Variants in PXN observed in about 807,000 individuals in gnomAD.
PXN encodes the protein testicular tissue protein Li 134.
A neutral mutation model predicts 103.6 loss-of-function variants in PXN; 61 were observed. The observed-to-expected ratio is 0.59, with a 90% CI of 0.48 to 0.73. The LOEUF is 0.73. Among genes scored for constraint, PXN ranks in the 30% least tolerant of loss-of-function variants. The pLI, the probability that PXN is intolerant of heterozygous loss-of-function variation, is 0.00. For missense variants in PXN, 1,274 were observed against 1,460.3 expected (o/e 0.87, Z 2.08); for synonymous variants, 562 against 607.8 (o/e 0.92, Z 1.11).
In PXN at chr12:120,215,895, AG is replaced by A; in HGVS notation, c.2302-235del. On this transcript the variant is annotated intron_variant, in intron 9 of 14. Transcript: ENST00000637617. This position sits in a 1 kb window ranked among gnomAD's most constrained non-coding sequence, Gnocchi z 4.9. The stretch of plus-strand genomic sequence containing the variant: ...TCGACCAAAGGCAGAGGAAATGGCA[AG>A]GGGAGGTGGCCGGGCTCAGTGATGA... 2 of 1,375,870 alleles carry A rather than the reference AG, an allele frequency of 1.5e-6. No individual in the cohort carries two copies. Among genetic ancestry groups the A allele is most frequent in the Non-Finnish European group, 9.5e-7 (1 of 1,057,738 alleles). The allele number at this position is 1,375,870 out of a possible 1,614,324, so 85.2% of individuals were successfully genotyped here. A position where few individuals can be genotyped will look rare whatever the true frequency, so the allele number is the denominator to read the frequency against.
Position 120,257,702 on chromosome 12 carries a change from G to C in PXN, c.13+7915C>G, listed in dbSNP as rs907735249. Among the ~76,000 whole-genome samples, 5 of 152,330 alleles carry C rather than the reference G, an allele frequency of 3.3e-5. 1 individual carries two copies. In the South Asian group the frequency reaches 6.2e-4, roughly 19 times the overall value. On this transcript the variant is annotated intron_variant, in intron 1 of 14. Transcript: ENST00000637617. ...ACCAAGGGAGTGGGGATTCCAGGAGGGGGAGCCTGAAGGCTGGAAAACTGG... is the reference window on the plus strand; with the variant it reads ...ACCAAGGGAGTGGGGATTCCAGGAGCGGGAGCCTGAAGGCTGGAAAACTGG...
rs1291536041 is a variant in PXN, at chr12:120,220,151, G to C, written c.832-60C>G. ...GAGAGAGATGAGGGGAGTGAGGACGGCTGCACCTTGCAGGCGGTGGGCTCG... is the reference window on the plus strand; with the variant it reads ...GAGAGAGATGAGGGGAGTGAGGACGCCTGCACCTTGCAGGCGGTGGGCTCG... On this transcript the variant is annotated intron_variant, in intron 6 of 14. Transcript: ENST00000637617. The surrounding 1 kb of genome is among the most constrained non-coding windows in gnomAD (Gnocchi z 6.1). 4 of 692,334 alleles carry C rather than the reference G, an allele frequency of 5.8e-6. No homozygotes were observed. The highest frequency in any genetic ancestry group is 9.3e-6 in the Non-Finnish European group (4 of 429,282). The allele number at this position is 692,334 out of a possible 1,614,324, so 42.9% of individuals were successfully genotyped here.
rs1461647417 is a variant in PXN at position 120,217,581 on chromosome 12, G to A, written c.1717-465C>T. Among the ~76,000 whole-genome samples the A allele has an allele frequency of 6.6e-6, 1 of 151,330 alleles. No homozygotes were observed. The highest frequency in any genetic ancestry group is 2.4e-5 in the African/African-American group (1 of 40,926). Reference sequence around the variant, plus strand: ...TAATAGAAAAAGTGTTTCCTTCCAGGAACTTTTTTTTGGGGGGGGACAGAG... The same window carrying A: ...TAATAGAAAAAGTGTTTCCTTCCAGAAACTTTTTTTTGGGGGGGGACAGAG... On this transcript the variant is annotated intron_variant, in intron 7 of 14. Transcript: ENST00000637617. This position sits in a 1 kb window ranked among gnomAD's most constrained non-coding sequence, Gnocchi z 4.1.
chr12:120,216,412 C>A lies in PXN; in HGVS notation c.2162G>T (p.Gly721Val). 1 of 1,352,476 alleles carries A rather than the reference C, an allele frequency of 7.4e-7. No individual in the cohort carries two copies. Among genetic ancestry groups the A allele is most frequent in the Admixed American group, 3.7e-5 (1 of 27,050 alleles). 83.8% of individuals were successfully genotyped at this position (1,352,476 alleles called of 1,614,324 possible). ...SPLGPSAYTC[G>V]SSGVQSAGEE... ...CCCTGCACTCTGGACCCCAGAAGAACCACAGGTATAAGCTGAGGGCCCCAG... is the reference window on the plus strand; with the variant it reads ...CCCTGCACTCTGGACCCCAGAAGAAACACAGGTATAAGCTGAGGGCCCCAG... Residue 721 changes from glycine (G) to valine (V), a missense_variant, in exon 9 of 15, where the codon GGT becomes GTT. Coordinates refer to ENST00000637617, the MANE Select transcript of PXN (RefSeq NM_001385981.1). This position sits in a 1 kb window ranked among gnomAD's most constrained non-coding sequence, Gnocchi z 5.1.
chr12:120,251,473 C>T (rs552034036), intron 1 of PXN, among the ~76,000 whole-genome samples: 12 of 150,020 alleles, frequency 8.0e-5, no homozygotes, highest in African/African-American at 2.9e-4. Context: ...GCTGAGATCA[C>T]GCCCCTGCAC....
Position 120,216,711 on chromosome 12 carries a change from G to A in PXN, c.1992+130C>T, listed in dbSNP as rs1296951560. ...CCAAGAGTGGGGCCAGTCTTCCAAA[G>A]TCACAGGAGGCAAGAAACCCCCACC... On this transcript the variant is annotated intron_variant, in intron 8 of 14. Coordinates refer to ENST00000637617, the MANE Select transcript of PXN (RefSeq NM_001385981.1). This position sits in a 1 kb window ranked among gnomAD's most constrained non-coding sequence, Gnocchi z 5.1. 7 of 1,594,412 alleles carry A rather than the reference G, an allele frequency of 4.4e-6. No individual in the cohort carries two copies. The highest frequency in any genetic ancestry group is 2.2e-5 in the East Asian group (1 of 44,586).
chr12:120,245,454 T>G (rs1890905536), intron 1 of PXN, among the ~76,000 whole-genome samples: 2 of 149,478 alleles, frequency 1.3e-5, no homozygotes, highest in Non-Finnish European at 3.0e-5. Flanking sequence ...AACAAAACAA[T>G]GTTTTCCTGA....
chr12:120,230,567 C>A (rs762894858), intron 1 of PXN, among the ~76,000 whole-genome samples: 58 of 152,258 alleles, frequency 3.8e-4, no homozygotes, highest in South Asian at 1.0e-3. Flanking sequence ...CTCATCTCAG[C>A]CCCTTTGGTG....
intron 7 of PXN, among the ~76,000 whole-genome samples, chr12:120,218,462 G>A (rs929305972): frequency 1.1e-4 from 16 of 151,974 alleles, no homozygotes; most frequent in African/African-American, 3.4e-4. Context: ...CAACCTCTGC[G>A]TCCTGGGTTC....
intron 1 of PXN, among the ~76,000 whole-genome samples, chr12:120,230,654 C>A (rs1887833392): frequency 6.6e-6 from 1 of 152,014 alleles, no homozygotes. Context: ...AGTTCCCCTC[C>A]CCTCCCCCAG....
intron 1 of PXN, among the ~76,000 whole-genome samples, chr12:120,252,657 C>T (rs1457019168): frequency 1.3e-5 from 2 of 152,026 alleles, no homozygotes. Context: ...TCCCCCAAAG[C>T]AGGGGCCAAG....
chr12:120,215,568 C>T lies in PXN; in HGVS notation c.2395G>A (p.Glu799Lys), dbSNP rs200855138. 8.6e-4 allele frequency: 1,369 copies of T among 1,594,690 alleles called. No homozygotes were observed. Among genetic ancestry groups the T allele is most frequent in the Non-Finnish European group, 1.1e-3 (1,320 of 1,171,788 alleles). The change falls in exon 10 of 15, where the codon GAG (glutamate) becomes AAG (lysine). Residue 799 changes from glutamate to lysine, a missense_variant. By Grantham distance (56) the Glu-to-Lys change is moderately conservative (BLOSUM62 1). Coordinates refer to ENST00000637617, the MANE Select transcript of PXN (RefSeq NM_001385981.1). This position sits in a 1 kb window ranked among gnomAD's most constrained non-coding sequence, Gnocchi z 4.9. ...GGRSSPGGQD[E>K]GGFMAQGKTG... ...CCAGCCTTGGCACTGACCCCTCCCT[C>T]GTCCTGCCCTCCGGGGCTGCTCCGC...
chr12:120,212,617 T>C lies in PXN; in HGVS notation c.2980-37A>G. 2 of 1,594,384 alleles carry C rather than the reference T, an allele frequency of 1.3e-6. No individual in the cohort carries two copies. On this transcript the variant is annotated intron_variant, in intron 14 of 14. Coordinates refer to ENST00000637617, the MANE Select transcript of PXN (RefSeq NM_001385981.1). This position sits in a 1 kb window ranked among gnomAD's most constrained non-coding sequence, Gnocchi z 7.2. ...AGAGAGGGGCTCAGGGAGCTGCCCC[T>C]CGGGCTAGAGCTGCACCCTGTGTGA...
rs947312576 is a variant in PXN at position 120,216,351 on chromosome 12, G to A, written c.2223C>T (p.Ala741=). 7.7e-7 allele frequency: 1 copy of A among 1,300,734 alleles called. No individual in the cohort carries two copies. The highest frequency in any genetic ancestry group is 9.7e-7 in the Non-Finnish European group (1 of 1,030,010). The allele number at this position is 1,300,734 out of a possible 1,614,324, so 80.6% of individuals were successfully genotyped here. ...EPHDEGVQGP[A]LPIPAPHTMR... is the part of the protein sequence containing the mutation. ...TGGTGTGGGGTGCAGGAATGGGAAG[G>A]GCAGGGCCCTGCACCCCCTCATCAT... Residue 741 remains alanine (A), a synonymous_variant, in exon 9 of 15, where the codon GCC becomes GCT. Transcript: ENST00000637617. The surrounding 1 kb of genome is among the most constrained non-coding windows in gnomAD (Gnocchi z 5.1).
chr12:120,251,603 G>A (rs1177548925), intron 1 of PXN, among the ~76,000 whole-genome samples: 1 of 152,010 alleles, frequency 6.6e-6, no homozygotes, highest in African/African-American at 2.4e-5. Context: ...GATCATTTGA[G>A]GTCAGGAATT....
Position 120,237,148 on chromosome 12 carries a change from TACACACACACACAC to T in PXN, c.14-12785_14-12772del, listed in dbSNP as rs201905149. 2.4e-3 allele frequency among the ~76,000 whole-genome samples: 326 copies of T among 137,632 alleles called. 6 individuals carry two copies. In the East Asian group the frequency reaches 0.064, roughly 27 times the overall value. The allele number at this position is 137,632 out of a possible 152,430, so 90.3% of individuals were successfully genotyped here. On this transcript the variant is annotated intron_variant, in intron 1 of 14. Transcript: ENST00000637617. ...GTACGTGTGTGTGTGTGTGTGTGTATACACACACACACACACACACACACACACACACAGAATCT... is the reference window on the plus strand; with the variant it reads ...GTACGTGTGTGTGTGTGTGTGTGTATACACACACACACACACACAGAATCT...
At position 120,221,784 on chromosome 12, in the gene PXN, G is replaced by C; in HGVS notation, c.696-26C>G. The C allele has an allele frequency of 6.5e-7, 1 of 1,542,076 alleles. No individual in the cohort carries two copies. On this transcript the variant is annotated intron_variant, in intron 5 of 14. Coordinates refer to ENST00000637617, the MANE Select transcript of PXN (RefSeq NM_001385981.1). The surrounding 1 kb of genome is among the most constrained non-coding windows in gnomAD (Gnocchi z 6.6). ...CTGCAGGGTGGGCACAGCATCAGTG[G>C]GGAGCCCACAGTCAGCCCCACACTT...
chr12:120,232,608 C>T (rs975518476), intron 1 of PXN, among the ~76,000 whole-genome samples: 5 of 152,132 alleles, frequency 3.3e-5, no homozygotes, highest in Non-Finnish European at 4.4e-5. Context: ...TGTTCCAAAT[C>T]GACCCCAGCC....
In PXN at chr12:120,215,046, C is replaced by A; in HGVS notation, c.2575-48G>T. On this transcript the variant is annotated intron_variant, in intron 11 of 14. Coordinates refer to ENST00000637617, the MANE Select transcript of PXN (RefSeq NM_001385981.1). The surrounding 1 kb of genome is among the most constrained non-coding windows in gnomAD (Gnocchi z 4.9). ...TCCAGGGCCAAGGCCAGCCCCGGAG[C>A]ACCCCCACCCCTGCAGGAGTCCACT... 6.2e-7 allele frequency: 1 copy of A among 1,602,058 alleles called. No individual in the cohort carries two copies. The highest frequency in any genetic ancestry group is 8.5e-7 in the Non-Finnish European group (1 of 1,174,246).
Sources: allele counts gnomAD v4.1 joint callset (sites outside exome capture counted in the v4.1 genomes callset), GRCh38; gene constraint gnomAD v4.1.1; non-coding constraint Gnocchi (gnomAD v3.1); transcripts MANE v1.5; gene names NCBI Gene and HGNC (gene_info 2026-07-23, HGNC 2026-07-21).